The following SHC4 variants were observed in gnomAD, a reference collection of about 807,000 sequenced individuals.
SHC4 encodes the protein SHC adaptor protein 4.
In SHC4, 41 loss-of-function variants were observed where a neutral mutation model predicts 69.4. That is an observed-to-expected ratio of 0.59 (90% CI 0.46 to 0.77). The LOEUF (loss-of-function observed/expected upper bound fraction) is 0.77, where lower values mean the gene tolerates loss of function less well. Ranked by LOEUF, SHC4 falls within the 30% of genes least tolerant of loss-of-function variation. The pLI, the probability that SHC4 is intolerant of heterozygous loss-of-function variation, is 0.00. For synonymous variants in SHC4, 318 were observed against 299.3 expected, an observed-to-expected ratio of 1.06 and a Z score of -0.64; for missense variants, 777 against 783.8, an observed-to-expected ratio of 0.99 and a Z score of 0.10.
chr15:48,912,384 C>A (rs915923671), intron 2 of SHC4, among the ~76,000 whole-genome samples: 2 of 152,192 alleles, frequency 1.3e-5, no homozygotes, highest in East Asian at 3.8e-4. Context: ...ATTGTTGAGA[C>A]TTTCCAGAGC....
At position 48,834,953 on chromosome 15, in the gene SHC4, T is replaced by C; in HGVS notation, c.1553A>G (p.Lys518Arg). The change falls in exon 11 of 12, where the codon AAG becomes AGG. Residue 518 changes from lysine to arginine, a missense_variant. Lys to Arg is a conservative substitution (Grantham distance 26). Transcript: ENST00000332408. ...PASSHSLPHI[K>R]QQLWSEECYH... ...GCATTCTTCGCTCCACAGCTGCTGC[T>C]TAATGTGTGGCAAAGAATGTGAGCT... 6.2e-7 allele frequency: 1 copy of C among 1,613,662 alleles called. No individual in the cohort carries two copies. The highest frequency in any genetic ancestry group is 1.3e-5 in the African/African-American group (1 of 75,058).
chr15:48,849,206 T>C (rs959949546), intron 9 of SHC4, among the ~76,000 whole-genome samples: 1 of 152,060 alleles, frequency 6.6e-6, no homozygotes, highest in African/African-American at 2.4e-5. Context: ...CTGGTGCCCA[T>C]TTATTTTCTC....
chr15:48,922,243 T>C (rs1055060393), intron 2 of SHC4, among the ~76,000 whole-genome samples: 1 of 152,188 alleles, frequency 6.6e-6, no homozygotes, highest in Admixed American at 6.5e-5. Context: ...AGGCTTTGTC[T>C]TATTCACTTG....
intron 1 of SHC4, among the ~76,000 whole-genome samples, chr15:48,956,943 T>C (rs1384042543): frequency 6.7e-6 from 1 of 149,946 alleles, no homozygotes; most frequent in Non-Finnish European, 1.5e-5. Flanking sequence ...TCTTCTTCTT[T>C]TTTTCTTTTT....
chr15:48,899,556 G>A (rs1431277175), intron 2 of SHC4, among the ~76,000 whole-genome samples: 3 of 151,730 alleles, frequency 2.0e-5, no homozygotes, highest in Non-Finnish European at 4.4e-5. Context: ...AGCAATTGGT[G>A]TAATGAATAT....
intron 7 of SHC4, among the ~76,000 whole-genome samples, chr15:48,856,325 G>GTTAC (rs1307897433): frequency 6.6e-6 from 1 of 152,128 alleles, no homozygotes; most frequent in Admixed American, 6.6e-5. Context: ...AGACAAAACG[G>GTTAC]GGTAAGCCAA....
intron 9 of SHC4, among the ~76,000 whole-genome samples, chr15:48,849,525 C>A (rs1247631720): frequency 1.3e-5 from 2 of 152,268 alleles, no homozygotes; most frequent in African/African-American, 4.8e-5. Context: ...CAGCACAGTG[C>A]CTGACCCATG....
At chr15:48,892,144 C>G (rs1043363412) in intron 2 of SHC4, among the ~76,000 whole-genome samples, 11 of 152,246 alleles carry the variant, frequency 7.2e-5, no homozygotes, top group African/African-American at 2.6e-4. Flanking sequence ...CGTGAGCCAC[C>G]GCGCCCGGCC....
intron 11 of SHC4, among the ~76,000 whole-genome samples, chr15:48,832,823 G>C (rs528145052): frequency 6.6e-6 from 1 of 152,082 alleles, no homozygotes; most frequent in East Asian, 1.9e-4. Flanking sequence ...GCTTAATCAA[G>C]TCTGCTGCTG....
chr15:48,857,423 A>G (rs1309080562), intron 7 of SHC4, among the ~76,000 whole-genome samples: 1 of 152,196 alleles, frequency 6.6e-6, no homozygotes, highest in Non-Finnish European at 1.5e-5. Context: ...GTGCTAGAAT[A>G]ACAGAGATAA....
intron 2 of SHC4, among the ~76,000 whole-genome samples, chr15:48,892,524 T>C (rs1900154579): frequency 1.3e-5 from 2 of 152,080 alleles, no homozygotes; most frequent in Admixed American, 1.3e-4. Context: ...ACATTTTGAG[T>C]CATCTTAATG....
chr15:48,890,182 AG>A (rs1053590273), intron 3 of SHC4, among the ~76,000 whole-genome samples: 4 of 152,198 alleles, frequency 2.6e-5, no homozygotes, highest in Admixed American at 2.6e-4. Context: ...CACCATTTGT[AG>A]GTGGCTGAGG....
chr15:48,880,611 T>G (rs1899921906), intron 4 of SHC4, among the ~76,000 whole-genome samples: 2 of 148,882 alleles, frequency 1.3e-5, no homozygotes, highest in Admixed American at 6.7e-5. Flanking sequence ...GGCAAAGAGG[T>G]GGGGGTGGGA....
intron 6 of SHC4, among the ~76,000 whole-genome samples, chr15:48,861,518 A>G (rs1226609154): frequency 6.6e-6 from 1 of 152,190 alleles, no homozygotes; most frequent in Non-Finnish European, 1.5e-5. Context: ...AAATATGCCC[A>G]TTTCCCAGGA....
chr15:48,902,232 A>G (rs768127433), intron 2 of SHC4, among the ~76,000 whole-genome samples: 18 of 152,094 alleles, frequency 1.2e-4, no homozygotes, highest in African/African-American at 3.6e-4. Flanking sequence ...ACTGGGTCTA[A>G]CCTAATTTGT....
chr15:48,886,971 G>A (rs1007092007), intron 3 of SHC4, among the ~76,000 whole-genome samples: 1 of 152,142 alleles, frequency 6.6e-6, no homozygotes, highest in Non-Finnish European at 1.5e-5. Flanking sequence ...AAAGTATTAA[G>A]ATAGGGAAAC....
chr15:48,884,460 G>A (rs1287311587), intron 3 of SHC4, 93 bp from the exon 4 acceptor site: 1 of 1,101,070 alleles, frequency 9.1e-7, no homozygotes, highest in African/African-American at 1.6e-5. Context: ...ATGAGTCAAA[G>A]TCCAAACTCT....
chr15:48,956,362 A>C (rs1016464470), intron 1 of SHC4, among the ~76,000 whole-genome samples: 4 of 152,094 alleles, frequency 2.6e-5, no homozygotes, highest in African/African-American at 9.7e-5. Context: ...TGGAGTCACA[A>C]ATCTCCCTCT....
chr15:48,961,405 C>T lies in SHC4; in HGVS notation c.585+1026G>A, dbSNP rs542526971. Reference sequence around the variant, plus strand: ...TACTTGTTTGAGTACTACAAGCCACCCCCTCCCTCAGTCACCCACTATTCT... The same window carrying T: ...TACTTGTTTGAGTACTACAAGCCACTCCCTCCCTCAGTCACCCACTATTCT... On this transcript the variant is annotated intron_variant, in intron 1 of 11. Coordinates refer to ENST00000332408, the MANE Select transcript of SHC4 (RefSeq NM_203349.4). Among the ~76,000 whole-genome samples the T allele has an allele frequency of 6.6e-5, 10 of 152,164 alleles. 1 individual carries two copies. In the South Asian group the frequency reaches 2.1e-3, roughly 32 times the overall value.
Sources: allele counts gnomAD v4.1 joint callset (sites outside exome capture counted in the v4.1 genomes callset), GRCh38; gene constraint gnomAD v4.1.1; transcripts MANE v1.5; gene names NCBI Gene and HGNC (gene_info 2026-07-23, HGNC 2026-07-21).